The following OGA variants were observed in gnomAD, a reference collection of about 807,000 sequenced individuals.
OGA encodes O-GlcNAcase.
OGA carries 21 observed loss-of-function variants against 102.0 expected under a neutral mutation model. That is an observed-to-expected ratio of 0.21 (90% confidence interval 0.15 to 0.30). The LOEUF (loss-of-function observed/expected upper bound fraction) is 0.30, where lower values mean the gene tolerates loss of function less well. Ranked by LOEUF, OGA falls within the 10% of genes least tolerant of loss-of-function variation. The pLI, the probability that OGA is intolerant of heterozygous loss-of-function variation, is 1.00. For missense variants in OGA, 765 were observed against 1,107.8 expected (o/e 0.69, Z 4.39); for synonymous variants, 408 against 378.2 (o/e 1.08, Z -0.91).
At position 101,791,590 on chromosome 10, in the gene OGA, T is replaced by C; in HGVS notation, c.2176-151A>G. On this transcript the variant is annotated intron_variant, in intron 12 of 15. Coordinates refer to ENST00000361464, the MANE Select transcript of OGA (RefSeq NM_012215.5). The stretch of plus-strand genomic sequence containing the variant: ...TCACCTCTTCTTTGTAAAATAAAGA[T>C]TTATTCATTGAGTCAGATTTGTAAA... 16 of 622,096 alleles carry C rather than the reference T, an allele frequency of 2.6e-5. No homozygotes were observed. The South Asian group carries it at 3.0e-4, about 12-fold the overall frequency. The allele number at this position is 622,096 out of a possible 1,614,324, so 38.5% of individuals were successfully genotyped here. A position where few individuals can be genotyped will look rare whatever the true frequency, so the allele number is the denominator to read the frequency against.
chr10:101,805,088 G>A (rs775853975), intron 6 of OGA, among the ~76,000 whole-genome samples: 2 of 151,948 alleles, frequency 1.3e-5, no homozygotes, highest in Non-Finnish European at 2.9e-5. Context: ...TCAGGCTGGA[G>A]TGCAGTGGCA....
intron 5 of OGA, among the ~76,000 whole-genome samples, chr10:101,807,489 T>C (rs956952045): frequency 4.6e-5 from 7 of 152,240 alleles, no homozygotes; most frequent in Admixed American, 1.3e-4. Flanking sequence ...ATATTGACAA[T>C]GTAATGTTCA....
rs376167260 is a variant in OGA, at chr10:101,818,104, G to A, written c.-82C>T. On this transcript the variant is annotated 5_prime_UTR_variant, in exon 1 of 16. Coordinates refer to ENST00000361464, the MANE Select transcript of OGA (RefSeq NM_012215.5). ...GGGCACCGGCCCGGAGCCCTGGAGA[G>A]GGCTTCAGCTCCAAGTGTGCGCCCC... 1.6e-5 allele frequency: 23 copies of A among 1,432,590 alleles called. No homozygotes were observed. Among genetic ancestry groups the A allele is most frequent in the African/African-American group, 8.8e-5 (6 of 67,922 alleles). 88.7% of individuals were successfully genotyped at this position (1,432,590 alleles called of 1,614,324 possible).
At chr10:101,800,468 G>T in intron 7 of OGA, 68 bp from the exon 8 acceptor site, 2 of 1,214,246 alleles carry the variant, frequency 1.6e-6, no homozygotes, top group East Asian at 2.4e-5. Flanking sequence ...CAAGTGAGAA[G>T]AATAAATGCA....
intron 10 of OGA, 55 bp from the exon 11 acceptor site, chr10:101,794,053 T>A: frequency 7.7e-7 from 1 of 1,300,080 alleles, no homozygotes; most frequent in Non-Finnish European, 1.1e-6. Context: ...TTTCCTGGGG[T>A]CTCAAATGTC....
At chr10:101,794,905 A>G (rs1346113757) in intron 10 of OGA, among the ~76,000 whole-genome samples, 1 of 152,234 alleles carries the variant, frequency 6.6e-6, no homozygotes, top group African/African-American at 2.4e-5. Flanking sequence ...ATTGGAAGAC[A>G]GCATTCTACC....
At chr10:101,816,001 G>GGA (rs1335262981) in intron 1 of OGA, among the ~76,000 whole-genome samples, 1 of 137,240 alleles carries the variant, frequency 7.3e-6, no homozygotes, top group South Asian at 2.4e-4. Context: ...GCCAGGCGCG[G>GGA]TAGTTCACGC....
At chr10:101,808,752 G>A (rs891493706) in intron 4 of OGA, among the ~76,000 whole-genome samples, 10 of 152,124 alleles carry the variant, frequency 6.6e-5, no homozygotes, top group African/African-American at 2.4e-4. Flanking sequence ...GGCAAACCAT[G>A]AGGTTAGGAG....
Position 101,818,066 on chromosome 10 carries a change from C to T in OGA, c.-44G>A. The stretch of plus-strand genomic sequence containing the variant: ...TGCCACCTCTGCGGGTCCTCCTCGA[C>T]CTCTGTCCGTTGGGGCACCGGCCCG... On this transcript the variant is annotated 5_prime_UTR_variant, in exon 1 of 16. Coordinates refer to ENST00000361464, the MANE Select transcript of OGA (RefSeq NM_012215.5). 2 of 1,504,650 alleles carry T rather than the reference C, an allele frequency of 1.3e-6. No homozygotes were observed. Among genetic ancestry groups the T allele is most frequent in the South Asian group, 1.3e-5 (1 of 76,164 alleles). 93.2% of individuals were successfully genotyped at this position (1,504,650 alleles called of 1,614,324 possible).
intron 1 of OGA, among the ~76,000 whole-genome samples, chr10:101,815,643 T>C (rs1406337542): frequency 6.8e-6 from 1 of 146,040 alleles, no homozygotes; most frequent in Admixed American, 6.9e-5. Context: ...CTACGGCACT[T>C]AGCATTATCA....
In OGA at chr10:101,818,227, T is replaced by C; in HGVS notation, c.-205A>G. The stretch of plus-strand genomic sequence containing the variant: ...GGCGGCGGCACCGGCGCGAGCCCTT[T>C]GTCAGCCGCAGCCTCGGCTTTAAGC... On this transcript the variant is annotated 5_prime_UTR_variant, in exon 1 of 16. Transcript: ENST00000361464. 7.5e-6 allele frequency: 10 copies of C among 1,341,670 alleles called. No individual in the cohort carries two copies. The highest frequency in any genetic ancestry group is 8.6e-6 in the Non-Finnish European group (9 of 1,050,106). 83.1% of individuals were successfully genotyped at this position (1,341,670 alleles called of 1,614,324 possible).
intron 10 of OGA, 28 bp from the exon 11 acceptor site, chr10:101,794,026 C>T (rs760458117): frequency 5.8e-6 from 9 of 1,549,042 alleles, no homozygotes; most frequent in South Asian, 3.4e-5. Flanking sequence ...AAGCGGAGAA[C>T]GTTACGAGAA....
rs1374356607 is a variant in OGA, at chr10:101,793,993, G to A, written c.1990C>T (p.Arg664Cys). The A allele has an allele frequency of 6.2e-7, 1 of 1,612,788 alleles. No homozygotes were observed. ...AAGAATTGTGCTGAAGAATGACTAC[G>A]ACACCCTGTTGAGATCAGATCCAAG... Reference protein sequence around the residue: ...VKSFVQWLGCRSHSSAQFLIG... With the variant: ...VKSFVQWLGCCSHSSAQFLIG... The change falls in exon 11 of 16, where the codon CGT becomes TGT. Residue 664 changes from arginine (R) to cysteine (C), a missense_variant. Transcript: ENST00000361464.
At chr10:101,817,607 G>A (rs1013041161) in intron 1 of OGA, among the ~76,000 whole-genome samples, 1 of 152,080 alleles carries the variant, frequency 6.6e-6, no homozygotes, top group Non-Finnish European at 1.5e-5. Flanking sequence ...AGACGGGTGG[G>A]GTCAGACTTG....
intron 8 of OGA, 149 bp downstream of exon 8, chr10:101,800,093 G>A (rs983665804): frequency 1.7e-5 from 13 of 772,688 alleles, no homozygotes; most frequent in East Asian, 1.1e-4. Flanking sequence ...GGCTGGTCTC[G>A]AACTCCTGAC....
chr10:101,805,985 A>T (rs753628360), intron 6 of OGA, 60 bp downstream of exon 6: 15 of 1,181,668 alleles, frequency 1.3e-5, no homozygotes, highest in Non-Finnish European at 1.9e-5. Context: ...AACAAGAACA[A>T]GCAATTTCTG....
chr10:101,800,415 A>T lies in OGA; in HGVS notation c.1037-15T>A. ...TTCACTGTCAGCTGCAAAAAATAAA[A>T]TAAAAAAGCACAAAAATAGTTTTGA... is the stretch of plus-strand genomic sequence containing the variant. On this transcript the variant is annotated splice_polypyrimidine_tract_variant and intron_variant, in intron 7 of 15. Transcript: ENST00000361464. 6.3e-7 allele frequency: 1 copy of T among 1,597,060 alleles called. No individual in the cohort carries two copies. The highest frequency in any genetic ancestry group is 8.5e-7 in the Non-Finnish European group (1 of 1,171,912).
intron 3 of OGA, among the ~76,000 whole-genome samples, chr10:101,812,636 A>G (rs954594584): frequency 1.3e-5 from 2 of 152,340 alleles, no homozygotes; most frequent in East Asian, 1.9e-4. Context: ...ATTGCATAAA[A>G]TATTATTTAT....
intron 6 of OGA, among the ~76,000 whole-genome samples, chr10:101,804,760 T>A (rs778461609): frequency 2.0e-5 from 3 of 151,634 alleles, no homozygotes; most frequent in African/African-American, 4.8e-5. Context: ...CACAGTAATT[T>A]AAAATTTTTT....
Sources: gnomAD v4.1 joint callset for allele counts (sites outside exome capture counted in the v4.1 genomes callset) on GRCh38, gnomAD v4.1.1 for gene constraint, MANE v1.5 for transcripts, NCBI Gene and HGNC (gene_info 2026-07-23, HGNC 2026-07-21) for gene names.